The following AGAP1 variants were observed in gnomAD, a reference collection of about 807,000 sequenced individuals.
The protein encoded by AGAP1 is arf-GAP with GTPase, ANK repeat and PH domain-containing protein 1.
In AGAP1, 29 loss-of-function variants were observed where a neutral mutation model predicts 105.3. That is an observed-to-expected ratio of 0.28 (90% CI 0.21 to 0.38). The LOEUF is 0.38. Ranked by LOEUF, AGAP1 falls within the 10% of genes least tolerant of loss-of-function variation. The pLI is 1.00. For missense variants in AGAP1, 998 were observed against 1,165.1 expected, an observed-to-expected ratio of 0.86 and a Z score of 2.09; for synonymous variants, 509 against 485.9, an observed-to-expected ratio of 1.05 and a Z score of -0.63.
At chr2:235,589,288 C>A (rs906702403) in intron 1 of AGAP1, among the ~76,000 whole-genome samples, 1 of 133,274 alleles carries the variant, frequency 7.5e-6, no homozygotes, top group Non-Finnish European at 1.6e-5. Flanking sequence ...TCACTGCAAT[C>A]CCTGCCTCCC....
rs2057599393 is a variant in AGAP1, at chr2:236,042,973, C to A, written c.1891+2132C>A. ...CACTTAAAGGGGAGGAATTGAGGAG[C>A]CTGAAGGGTCAAGTCATTTGTCTGA... On this transcript the variant is annotated intron_variant, in intron 15 of 17. Transcript: ENST00000304032. The surrounding 1 kb of genome is among the most constrained non-coding windows in gnomAD (Gnocchi z 5.6). Among the ~76,000 whole-genome samples the A allele has an allele frequency of 6.6e-6, 1 of 152,174 alleles. No individual in the cohort carries two copies. Among genetic ancestry groups the A allele is most frequent in the Non-Finnish European group, 1.5e-5 (1 of 68,040 alleles).
rs954394727 is a variant in AGAP1 at position 235,799,763 on chromosome 2, G to A, written c.957+241G>A. On this transcript the variant is annotated intron_variant, in intron 8 of 17. Coordinates refer to ENST00000304032, the MANE Select transcript of AGAP1 (RefSeq NM_001037131.3). This position sits in a 1 kb window ranked among gnomAD's most constrained non-coding sequence, Gnocchi z 5.0. ...GTGTGTCTGAAATGAAGAGCTGGGG[G>A]TGTGTATAAAGGCACTTGTTATCCT... Among the ~76,000 whole-genome samples the A allele has an allele frequency of 6.6e-6, 1 of 152,180 alleles. No individual in the cohort carries two copies. The highest frequency in any genetic ancestry group is 1.5e-5 in the Non-Finnish European group (1 of 68,042).
chr2:235,630,032 T>A (rs1263139887), intron 1 of AGAP1, among the ~76,000 whole-genome samples: 1 of 152,152 alleles, frequency 6.6e-6, no homozygotes, highest in Non-Finnish European at 1.5e-5. Context: ...AATGTCTGAT[T>A]ACATTTAATT....
intron 13 of AGAP1, among the ~76,000 whole-genome samples, chr2:235,987,948 T>A (rs2055391231): frequency 6.6e-6 from 1 of 152,212 alleles, no homozygotes; most frequent in Non-Finnish European, 1.5e-5. Flanking sequence ...TATAAACATG[T>A]TAAAAATATT....
intron 1 of AGAP1, among the ~76,000 whole-genome samples, chr2:235,572,586 A>G (rs1170034076): frequency 6.6e-6 from 1 of 152,046 alleles, no homozygotes; most frequent in Non-Finnish European, 1.5e-5. Flanking sequence ...AGTCCCTCCT[A>G]TAGGGGCTTC....
intron 1 of AGAP1, among the ~76,000 whole-genome samples, chr2:235,668,652 CTAAA>C (rs1391471163): frequency 1.3e-5 from 2 of 152,200 alleles, no homozygotes; most frequent in Admixed American, 1.3e-4. Context: ...TCATCTATGT[CTAAA>C]TATTGTGGCC....
chr2:235,543,604 C>G (rs972438551), intron 1 of AGAP1, among the ~76,000 whole-genome samples: 2 of 152,192 alleles, frequency 1.3e-5, no homozygotes, highest in African/African-American at 4.8e-5. Context: ...CAGCCTGGAG[C>G]TGTGGCGCAG....
In AGAP1 at chr2:235,939,973, C is replaced by T. The variant is rs376154959; in HGVS notation, c.1483+9050C>T. Among the ~76,000 whole-genome samples the T allele has an allele frequency of 4.6e-5, 7 of 152,268 alleles. No individual in the cohort carries two copies. The East Asian group carries it at 1.4e-3, about 29-fold the overall frequency. On this transcript the variant is annotated intron_variant, in intron 12 of 17. Coordinates refer to ENST00000304032, the MANE Select transcript of AGAP1 (RefSeq NM_001037131.3). Reference sequence around the variant, plus strand: ...CCATGACTCCTCTCTCCTCATTGAACGCAGGTAAGCAGCTACCTGCTCGGA... The same window carrying T: ...CCATGACTCCTCTCTCCTCATTGAATGCAGGTAAGCAGCTACCTGCTCGGA...
chr2:235,731,775 C>T (rs1169376886), intron 3 of AGAP1, among the ~76,000 whole-genome samples: 2 of 152,114 alleles, frequency 1.3e-5, no homozygotes, highest in Non-Finnish European at 2.9e-5. Context: ...CACCAGAGGC[C>T]ACAAAAGCTA....
chr2:236,023,337 A>C (rs760839122), intron 13 of AGAP1, among the ~76,000 whole-genome samples: 11 of 152,188 alleles, frequency 7.2e-5, no homozygotes, highest in Non-Finnish European at 1.6e-4. Flanking sequence ...GATCAGAAAG[A>C]TGAAGTGGGC....
rs1956800588 is a variant in AGAP1 at position 235,788,782 on chromosome 2, A to G, written c.674-8977A>G. 6.6e-6 allele frequency among the ~76,000 whole-genome samples: 1 copy of G among 152,184 alleles called. No individual in the cohort carries two copies. Among genetic ancestry groups the G allele is most frequent in the African/African-American group, 2.4e-5 (1 of 41,446 alleles). ...GGCGGAAGCAGAATGGAGCCCTCAG[A>G]AGCGCGCATTCAGACCGGCAGTAGA... is the stretch of plus-strand genomic sequence containing the variant. On this transcript the variant is annotated intron_variant, in intron 6 of 17. Transcript: ENST00000304032. The surrounding 1 kb of genome is among the most constrained non-coding windows in gnomAD (Gnocchi z 6.0).
Position 236,053,356 on chromosome 2 carries a change from A to G in AGAP1, c.2114+4075A>G, listed in dbSNP as rs2057962644. On this transcript the variant is annotated intron_variant, in intron 16 of 17. Transcript: ENST00000304032. This position sits in a 1 kb window ranked among gnomAD's most constrained non-coding sequence, Gnocchi z 4.6. ...CTACTTCGGGGCCTTGGAATTCCTC[A>G]TGTGAGTGAAACCGGGGCTTTGACG... Among the ~76,000 whole-genome samples the G allele has an allele frequency of 6.6e-6, 1 of 152,220 alleles. No homozygotes were observed. The highest frequency in any genetic ancestry group is 2.4e-5 in the African/African-American group (1 of 41,462).
rs1332312959 is a variant in AGAP1 at position 235,927,358 on chromosome 2, C to CA, written c.1325-3406dup. ...GAAGGTGGGCTCTGAGCCACACCCT[C>CA]AGAGCTGCTGCACCAGCATCTCAGT... On this transcript the variant is annotated intron_variant, in intron 11 of 17. Transcript: ENST00000304032. This position sits in a 1 kb window ranked among gnomAD's most constrained non-coding sequence, Gnocchi z 4.4. Among the ~76,000 whole-genome samples, 4 of 152,196 alleles carry CA rather than the reference C, an allele frequency of 2.6e-5. No homozygotes were observed. The highest frequency in any genetic ancestry group is 5.9e-5 in the Non-Finnish European group (4 of 68,022).
chr2:235,539,148 C>T (rs988139820), intron 1 of AGAP1, among the ~76,000 whole-genome samples: 8 of 152,242 alleles, frequency 5.3e-5, no homozygotes, highest in Non-Finnish European at 1.0e-4. Context: ...TGTGCAGCCT[C>T]GCAGAGATTG....
At chr2:235,572,583 C>T (rs1232192641) in intron 1 of AGAP1, among the ~76,000 whole-genome samples, 1 of 152,190 alleles carries the variant, frequency 6.6e-6, no homozygotes, top group East Asian at 1.9e-4. Flanking sequence ...TGAAGTCCCT[C>T]CTATAGGGGC....
In AGAP1 at chr2:235,750,755, A is replaced by C. The variant is rs1359925755; in HGVS notation, c.673+267A>C. ...TCTCCTATGGGGCCTTTTTGTGTACAGGATAGAACATTTCTTGAGCTGTTA... is the reference window on the plus strand; with the variant it reads ...TCTCCTATGGGGCCTTTTTGTGTACCGGATAGAACATTTCTTGAGCTGTTA... On this transcript the variant is annotated intron_variant, in intron 6 of 17. Coordinates refer to ENST00000304032, the MANE Select transcript of AGAP1 (RefSeq NM_001037131.3). This position sits in a 1 kb window ranked among gnomAD's most constrained non-coding sequence, Gnocchi z 5.3. Among the ~76,000 whole-genome samples the C allele has an allele frequency of 2.0e-5, 3 of 152,304 alleles. No homozygotes were observed. In the East Asian group the frequency reaches 5.8e-4, roughly 29 times the overall value.
rs568964605 is a variant in AGAP1 at position 235,891,728 on chromosome 2, C to T, written c.1155+8279C>T. ...TCAAGCCAAGGACTTCAAGGTGCCC[C>T]TGTCTAGGAAAGCTCACCAGTGTTC... On this transcript the variant is annotated intron_variant, in intron 10 of 17. Transcript: ENST00000304032. This position sits in a 1 kb window ranked among gnomAD's most constrained non-coding sequence, Gnocchi z 4.2. Among the ~76,000 whole-genome samples the T allele has an allele frequency of 1.4e-4, 21 of 152,288 alleles. No homozygotes were observed. In the South Asian group the frequency reaches 4.1e-3, roughly 30 times the overall value.
intron 16 of AGAP1, among the ~76,000 whole-genome samples, chr2:236,117,886 C>T (rs1306819023): frequency 7.2e-5 from 11 of 151,998 alleles, no homozygotes; most frequent in East Asian, 3.9e-4. Context: ...TGTTTTTGCC[C>T]GAGTGGGGTG....
chr2:236,090,384 C>T lies in AGAP1; in HGVS notation c.2115-29808C>T, dbSNP rs770939652. Reference sequence around the variant, plus strand: ...CTCTCTGGTTTTTGAGACGCACACTCAAGAGTCACAAATTAGAAAATAATA... The same window carrying T: ...CTCTCTGGTTTTTGAGACGCACACTTAAGAGTCACAAATTAGAAAATAATA... On this transcript the variant is annotated intron_variant, in intron 16 of 17. Transcript: ENST00000304032. This position sits in a 1 kb window ranked among gnomAD's most constrained non-coding sequence, Gnocchi z 4.3. Among the ~76,000 whole-genome samples, 3 of 152,192 alleles carry T rather than the reference C, an allele frequency of 2.0e-5. No individual in the cohort carries two copies. The highest frequency in any genetic ancestry group is 2.9e-5 in the Non-Finnish European group (2 of 68,044).
Sources: gnomAD v4.1 joint callset for allele counts (sites outside exome capture counted in the v4.1 genomes callset) on GRCh38, gnomAD v4.1.1 for gene constraint, Gnocchi (gnomAD v3.1) non-coding constraint, MANE v1.5 for transcripts, NCBI Gene and HGNC (gene_info 2026-07-23, HGNC 2026-07-21) for gene names.